NEK11: variants seen among roughly 807,000 people sequenced by gnomAD.
The protein encoded by NEK11 is serine/threonine-protein kinase Nek11.
NEK11 carries 72 observed loss-of-function variants against 80.7 expected under a neutral mutation model. The ratio of observed to expected loss-of-function variants is 0.89; its 90% CI spans 0.74 to 1.08. NEK11 has a LOEUF of 1.08. Ranked by LOEUF, NEK11 falls within the 50% of genes least tolerant of loss-of-function variation. The pLI, the probability that NEK11 is intolerant of heterozygous loss-of-function variation, is 0.00. For synonymous variants in NEK11, 251 were observed against 260.7 expected (o/e 0.96, Z 0.36); for missense variants, 764 against 763.6 (o/e 1.00, Z -0.01).
intron 4 of NEK11, among the ~76,000 whole-genome samples, chr3:131,081,254 A>C (rs140679490): frequency 2.1e-4 from 32 of 152,324 alleles, no homozygotes; most frequent in African/African-American, 7.2e-4. Context: ...GTTAGAGTAG[A>C]GGTATATGTC....
Position 131,349,864 on chromosome 3 carries a change from T to C in NEK11, c.*88T>C, listed in dbSNP as rs2097427894. Reference sequence around the variant, plus strand: ...ATAAGCTGAACTCTATTATGGGGAATGGATACAAAAGCAGAGCTCCCATCT... The same window carrying C: ...ATAAGCTGAACTCTATTATGGGGAACGGATACAAAAGCAGAGCTCCCATCT... On this transcript the variant is annotated 3_prime_UTR_variant, in exon 18 of 18. Transcript: ENST00000383366. The C allele has an allele frequency of 2.0e-6, 2 of 991,826 alleles. No homozygotes were observed. Among genetic ancestry groups the C allele is most frequent in the Admixed American group, 2.3e-5 (1 of 44,014 alleles). 61.4% of individuals were successfully genotyped at this position (991,826 alleles called of 1,614,324 possible).
intron 3 of NEK11, chr3:131,053,510 T>C (rs948683688): frequency 1.3e-5 from 2 of 152,248 alleles, no homozygotes; most frequent in African/African-American, 4.8e-5. Flanking sequence ...TGATGTTTCC[T>C]AGCTTGTGTG....
At chr3:131,184,833 C>T (rs899824302) in intron 14 of NEK11, 2 of 469,294 alleles carry the variant, frequency 4.3e-6, no homozygotes, top group Non-Finnish European at 6.7e-6. Context: ...TTTATGGATA[C>T]CCCTACATTT....
chr3:131,099,238 C>G (rs1171494113), intron 4 of NEK11, among the ~76,000 whole-genome samples: 1 of 152,160 alleles, frequency 6.6e-6, no homozygotes, highest in Non-Finnish European at 1.5e-5. Flanking sequence ...GATCCTTTCT[C>G]CATTCCTTGT....
chr3:131,272,479 T>C (rs2096213942), intron 16 of NEK11, among the ~76,000 whole-genome samples: 1 of 129,580 alleles, frequency 7.7e-6, no homozygotes, highest in African/African-American at 2.9e-5. Flanking sequence ...TTTTTTTTTT[T>C]TTTTTTTTTT....
At chr3:131,251,150 T>TA (rs796248537) in intron 16 of NEK11, among the ~76,000 whole-genome samples, 18 of 101,216 alleles carry the variant, frequency 1.8e-4, no homozygotes, top group African/African-American at 5.6e-4. Flanking sequence ...CAGAAAAGTT[T>TA]AAAAAAAATA....
At chr3:131,260,218 A>T (rs1164658694) in intron 16 of NEK11, among the ~76,000 whole-genome samples, 1 of 151,612 alleles carries the variant, frequency 6.6e-6, no homozygotes, top group African/African-American at 2.4e-5. Flanking sequence ...ATCACATGAA[A>T]CTCGTTATTT....
chr3:131,154,771 G>T (rs1488248648), intron 9 of NEK11: 7 of 371,640 alleles, frequency 1.9e-5, no homozygotes, highest in Non-Finnish European at 3.0e-5. Flanking sequence ...CTGAAAGTAG[G>T]CCTGCCCATG....
chr3:131,178,384 T>A (rs1321905293), intron 14 of NEK11, among the ~76,000 whole-genome samples: 2 of 152,378 alleles, frequency 1.3e-5, no homozygotes, highest in East Asian at 3.9e-4. Context: ...TTGATTATTT[T>A]ATAACACTTG....
intron 14 of NEK11, among the ~76,000 whole-genome samples, chr3:131,194,038 G>A (rs867311371): frequency 7.9e-5 from 12 of 152,186 alleles, no homozygotes; most frequent in Admixed American, 6.6e-5. Flanking sequence ...CAGGTTTATC[G>A]TCATGGAAAT....
intron 4 of NEK11, among the ~76,000 whole-genome samples, chr3:131,090,883 C>T (rs193077723): frequency 7.9e-5 from 12 of 152,248 alleles, no homozygotes; most frequent in African/African-American, 2.4e-4. Flanking sequence ...TCCCACTCCA[C>T]GCTCGCAAGC....
At chr3:131,143,601 G>A (rs1275372848) in intron 7 of NEK11, among the ~76,000 whole-genome samples, 1 of 151,922 alleles carries the variant, frequency 6.6e-6, no homozygotes, top group Non-Finnish European at 1.5e-5. Flanking sequence ...CCCCCCAAAT[G>A]CTCGGAATCA....
intron 4 of NEK11, among the ~76,000 whole-genome samples, chr3:131,082,458 T>C (rs1183240342): frequency 6.6e-6 from 1 of 152,232 alleles, no homozygotes; most frequent in Admixed American, 6.5e-5. Flanking sequence ...CAGCACTATT[T>C]CACAGAACTT....
At chr3:131,080,983 G>A (rs1046109076) in intron 4 of NEK11, among the ~76,000 whole-genome samples, 4 of 152,102 alleles carry the variant, frequency 2.6e-5, no homozygotes, top group African/African-American at 9.7e-5. Context: ...GGTTGTATGA[G>A]CCTGTAGTTC....
rs892394304 is a variant in NEK11 at position 131,113,286 on chromosome 3, G to A, written c.455+3365G>A. On this transcript the variant is annotated intron_variant, in intron 5 of 17. Coordinates refer to ENST00000383366, the MANE Select transcript of NEK11 (RefSeq NM_024800.5). ...GAATATGGAGAGAGAAGAAGGAGAG[G>A]GAGGAGAGAGAGAGAATGAGAATGA... Among the ~76,000 whole-genome samples, 10 of 151,318 alleles carry A rather than the reference G, an allele frequency of 6.6e-5. No individual in the cohort carries two copies. The South Asian group carries it at 2.1e-3, about 32-fold the overall frequency.
In NEK11 at chr3:131,349,541, G is replaced by T; in HGVS notation, c.1719-16G>T. 1 of 1,602,432 alleles carries T rather than the reference G, an allele frequency of 6.2e-7. No homozygotes were observed. The highest frequency in any genetic ancestry group is 8.5e-7 in the Non-Finnish European group (1 of 1,171,420). ...AATGTGTAACTCTTTGTAATCTTTT[G>T]TAACTTTTTTGACAGATCAGCCATG... On this transcript the variant is annotated splice_polypyrimidine_tract_variant and intron_variant, in intron 17 of 17. Coordinates refer to ENST00000383366, the MANE Select transcript of NEK11 (RefSeq NM_024800.5).
intron 9 of NEK11, among the ~76,000 whole-genome samples, chr3:131,153,962 C>T (rs2090175663): frequency 6.6e-6 from 1 of 152,156 alleles, no homozygotes; most frequent in African/African-American, 2.4e-5. Context: ...GGGAAGCAAC[C>T]AGCCATGTAA....
chr3:131,345,554 G>A (rs1221224039), intron 17 of NEK11, among the ~76,000 whole-genome samples: 1 of 152,178 alleles, frequency 6.6e-6, no homozygotes, highest in Non-Finnish European at 1.5e-5. Context: ...TTGGTGTGGA[G>A]AAAAGAGAAC....
At chr3:131,078,395 A>G (rs2074723357) in intron 3 of NEK11, among the ~76,000 whole-genome samples, 1 of 152,166 alleles carries the variant, frequency 6.6e-6, no homozygotes, top group African/African-American at 2.4e-5. Flanking sequence ...ACATTTTCCT[A>G]CTTAGGCTCT....
Sources: gnomAD v4.1 joint callset for allele counts (sites outside exome capture counted in the v4.1 genomes callset) on GRCh38, gnomAD v4.1.1 for gene constraint, MANE v1.5 for transcripts, NCBI Gene and HGNC (gene_info 2026-07-23, HGNC 2026-07-21) for gene names.